NPSR1: variants seen among roughly 807,000 people sequenced by gnomAD.
NPSR1 encodes neuropeptide S receptor 1, also known as neuropeptide S receptor.
NPSR1 carries 48 observed loss-of-function variants against 46.9 expected under a neutral mutation model. The ratio of observed to expected loss-of-function variants is 1.02; its 90% CI spans 0.81 to 1.30. The LOEUF is 1.30. Ranked by LOEUF, NPSR1 falls within the 50% of genes most tolerant of loss-of-function variation. NPSR1 has a pLI of 0.00. For synonymous variants in NPSR1, 176 were observed against 168.1 expected, an observed-to-expected ratio of 1.05 and a Z score of -0.36; for missense variants, 450 against 449.5, an observed-to-expected ratio of 1.00 and a Z score of -0.01.
At chr7:34,849,309 C>T in intron 8 of NPSR1, 5 of 1,517,692 alleles carry the variant, frequency 3.3e-6, no homozygotes, top group Non-Finnish European at 4.5e-6. Context: ...TCAGCTTCTT[C>T]ATCTGTAAAA....
At chr7:34,672,475 A>G (rs1458752512) in intron 1 of NPSR1, among the ~76,000 whole-genome samples, 1 of 152,240 alleles carries the variant, frequency 6.6e-6, no homozygotes, top group Non-Finnish European at 1.5e-5. Context: ...ACGCAAGTGC[A>G]GTCCCACATG....
chr7:34,706,898 G>A (rs140932302), intron 2 of NPSR1, among the ~76,000 whole-genome samples: 1 of 151,716 alleles, frequency 6.6e-6, no homozygotes, highest in East Asian at 1.9e-4. Context: ...TCTTTTATTT[G>A]GATTATTCCT....
chr7:34,790,722 T>TA lies in NPSR1; in HGVS notation c.384+12157_384+12158insA, dbSNP rs1787712354. ...TATGTTCTATGTTATATATAATATATGTTATATGTTATATGTTATATATAA... is the reference window on the plus strand; with the variant it reads ...TATGTTCTATGTTATATATAATATATAGTTATATGTTATATGTTATATATAA... On this transcript the variant is annotated intron_variant, in intron 3 of 8. Transcript: ENST00000360581. Among the ~76,000 whole-genome samples the TA allele has an allele frequency of 2.9e-5, 3 of 102,510 alleles. 1 individual carries two copies. Among genetic ancestry groups the TA allele is most frequent in the African/African-American group, 1.4e-4 (3 of 20,700 alleles). 67.3% of individuals were successfully genotyped at this position (102,510 alleles called of 152,430 possible).
intron 2 of NPSR1, among the ~76,000 whole-genome samples, chr7:34,717,699 G>A (rs1336818886): frequency 2.0e-5 from 3 of 152,192 alleles, no homozygotes; most frequent in Non-Finnish European, 4.4e-5. Flanking sequence ...TCTCATCTTG[G>A]AAAAGGACAG....
chr7:34,665,649 G>A (rs77941036), intron 1 of NPSR1, among the ~76,000 whole-genome samples: 2,716 of 152,088 alleles, frequency 0.018, 36 homozygotes, highest in Middle Eastern at 0.034. Flanking sequence ...CTGATATCAC[G>A]CTAACCTCAA....
At chr7:34,757,348 G>A (rs78139543) in intron 2 of NPSR1, among the ~76,000 whole-genome samples, 1,565 of 152,232 alleles carry the variant, frequency 0.01, 27 homozygotes, top group African/African-American at 0.036. Flanking sequence ...ATATATATGT[G>A]CACAGTAGGC....
chr7:34,774,634 G>A lies in NPSR1; in HGVS notation c.281-3828G>A, dbSNP rs1786861779. On this transcript the variant is annotated intron_variant, in intron 2 of 8. Transcript: ENST00000360581. ...GATGGCATTGCTTCAGAGCCCTAGGGGCCTGCATTCTGATTCTTTCGCTTG... is the reference window on the plus strand; with the variant it reads ...GATGGCATTGCTTCAGAGCCCTAGGAGCCTGCATTCTGATTCTTTCGCTTG... Among the ~76,000 whole-genome samples, 6 of 152,090 alleles carry A rather than the reference G, an allele frequency of 3.9e-5. No homozygotes were observed. The South Asian group carries it at 1.2e-3, about 32-fold the overall frequency.
intron 6 of NPSR1, among the ~76,000 whole-genome samples, chr7:34,835,500 C>G (rs921569708): frequency 2.0e-5 from 3 of 152,150 alleles, no homozygotes; most frequent in Admixed American, 6.6e-5. Context: ...CTCCCTAAGC[C>G]CTCCTCTTTT....
rs780196686 is a variant in NPSR1 at position 34,778,500 on chromosome 7, A to G, written c.319A>G (p.Asn107Asp). 6.2e-7 allele frequency: 1 copy of G among 1,612,486 alleles called. No individual in the cohort carries two copies. Among genetic ancestry groups the G allele is most frequent in the Non-Finnish European group, 8.5e-7 (1 of 1,178,880 alleles). Reference sequence around the variant, plus strand: ...ACTGGTCAACATCTTGACAGATATTAATTGGCGATTCACTGGAGACTTCAC... The same window carrying G: ...ACTGGTCAACATCTTGACAGATATTGATTGGCGATTCACTGGAGACTTCAC... ...TGLVNILTDI[N>D]WRFTGDFTAP... Residue 107 changes from asparagine (N) to aspartate (D), a missense_variant, in exon 3 of 9, where the codon AAT becomes GAT. Transcript: ENST00000360581.
chr7:34,815,623 C>T (rs947897403), intron 4 of NPSR1, among the ~76,000 whole-genome samples: 3 of 151,982 alleles, frequency 2.0e-5, no homozygotes, highest in African/African-American at 7.3e-5. Context: ...GTCAGATTCA[C>T]CAAGGTTAAA....
chr7:34,762,172 A>C (rs1315736741), intron 2 of NPSR1, among the ~76,000 whole-genome samples: 2 of 152,208 alleles, frequency 1.3e-5, no homozygotes, highest in Non-Finnish European at 2.9e-5. Flanking sequence ...GTTAAGACTA[A>C]TTGAAAATCT....
intron 2 of NPSR1, among the ~76,000 whole-genome samples, chr7:34,758,728 A>G (rs1347042848): frequency 6.6e-6 from 1 of 152,214 alleles, no homozygotes; most frequent in Non-Finnish European, 1.5e-5. Flanking sequence ...CAGTCTATCT[A>G]TAATACCTAC....
chr7:34,730,689 C>G (rs1021420833), intron 2 of NPSR1, among the ~76,000 whole-genome samples: 4 of 152,154 alleles, frequency 2.6e-5, no homozygotes, highest in African/African-American at 9.7e-5. Context: ...GCATGACACA[C>G]CCCACCTAAT....
chr7:34,706,979 A>G (rs1158636948), intron 2 of NPSR1, among the ~76,000 whole-genome samples: 1 of 152,118 alleles, frequency 6.6e-6, no homozygotes, highest in East Asian at 1.9e-4. Context: ...TCATTGAGAA[A>G]ATCAGTTTCT....
intron 4 of NPSR1, among the ~76,000 whole-genome samples, chr7:34,826,983 T>A (rs1789885700): frequency 6.6e-6 from 1 of 152,004 alleles, no homozygotes; most frequent in Non-Finnish European, 1.5e-5. Flanking sequence ...AGTGAAAAGA[T>A]GCCACGTGGA....
intron 2 of NPSR1, among the ~76,000 whole-genome samples, chr7:34,721,420 G>A (rs1160981525): frequency 6.6e-6 from 1 of 152,166 alleles, no homozygotes; most frequent in Admixed American, 6.5e-5. Flanking sequence ...GGAGTCTTGT[G>A]TGAACAAATT....
At chr7:34,836,802 T>A (rs9648043) in intron 6 of NPSR1, among the ~76,000 whole-genome samples, 48,173 of 151,868 alleles carry the variant, frequency 0.32, 7,831 homozygotes, top group African/African-American at 0.37. Flanking sequence ...ATTGTTTATA[T>A]TCATGAAAAA....
At chr7:34,787,445 A>G (rs1454642409) in intron 3 of NPSR1, among the ~76,000 whole-genome samples, 1 of 152,014 alleles carries the variant, frequency 6.6e-6, no homozygotes, top group African/African-American at 2.4e-5. Flanking sequence ...AGCTTGTTTC[A>G]TTTTCTTGTA....
chr7:34,753,970 T>C (rs1288427428), intron 2 of NPSR1, among the ~76,000 whole-genome samples: 1 of 152,110 alleles, frequency 6.6e-6, no homozygotes, highest in African/African-American at 2.4e-5. Context: ...AAAATAGACA[T>C]GAGAGACTTA....
Sources: allele counts gnomAD v4.1 joint callset (sites outside exome capture counted in the v4.1 genomes callset), GRCh38; gene constraint gnomAD v4.1.1; transcripts MANE v1.5; gene names NCBI Gene and HGNC (gene_info 2026-07-23, HGNC 2026-07-21).